ATRIP: variants seen among roughly 807,000 people sequenced by gnomAD.
The protein encoded by ATRIP is ATR-interacting protein.
In ATRIP, 44 loss-of-function variants were observed where a neutral mutation model predicts 78.1. The observed-to-expected ratio is 0.56, with a 90% CI of 0.44 to 0.72. ATRIP has a LOEUF of 0.72. Among genes scored for constraint, ATRIP ranks in the 30% least tolerant of loss-of-function variants. The pLI is 0.00. For missense variants in ATRIP, 927 were observed against 980.2 expected (o/e 0.95, Z 0.72); for synonymous variants, 388 against 408.9 (o/e 0.95, Z 0.62).
At chr3:48,463,667 A>G (rs2040180388) in intron 8 of ATRIP, 78 bp from the exon 9 acceptor site, 1 of 1,566,804 alleles carries the variant, frequency 6.4e-7, no homozygotes, top group African/African-American at 1.4e-5. Context: ...ATTTTCTGTT[A>G]CCTCTAGTGG....
intron 6 of ATRIP, 87 bp downstream of exon 6, chr3:48,459,541 C>T: frequency 7.3e-7 from 1 of 1,362,716 alleles, no homozygotes; most frequent in South Asian, 1.2e-5. Flanking sequence ...AGAACCGGTG[C>T]CCCGGGCAGT....
chr3:48,449,928 AC>A, intron 1 of ATRIP, 108 bp from the exon 2 acceptor site: 1 of 1,203,888 alleles, frequency 8.3e-7, no homozygotes, highest in Non-Finnish European at 1.2e-6. Context: ...ACAGAGCAAG[AC>A]CCTATCTCAA....
chr3:48,451,944 A>G, intron 3 of ATRIP, 45 bp downstream of exon 3: 1 of 1,543,010 alleles, frequency 6.5e-7, no homozygotes, highest in Non-Finnish European at 8.8e-7. Context: ...CTGCCCACTG[A>G]GTTCCTTTGA....
At chr3:48,465,115 C>T (rs776848808) in intron 12 of ATRIP, 32 bp downstream of exon 12, 11 of 1,584,492 alleles carry the variant, frequency 6.9e-6, no homozygotes, top group South Asian at 5.7e-5. Context: ...CTGCCCAGCC[C>T]CCATGGCTTC....
At chr3:48,464,196 C>T in intron 10 of ATRIP, 64 bp downstream of exon 10, 1 of 1,371,046 alleles carries the variant, frequency 7.3e-7, no homozygotes, top group Non-Finnish European at 1.0e-6. Flanking sequence ...AACAGAATCT[C>T]CTTTCTTTCC....
intron 1 of ATRIP, among the ~76,000 whole-genome samples, chr3:48,449,725 A>G (rs1425342154): frequency 6.6e-6 from 1 of 150,636 alleles, no homozygotes; most frequent in Non-Finnish European, 1.5e-5. Flanking sequence ...CAGGAAATCA[A>G]GACCAGCCTG....
intron 5 of ATRIP, 24 bp from the exon 6 acceptor site, chr3:48,459,335 G>T (rs752567987): frequency 2.5e-6 from 4 of 1,599,768 alleles, no homozygotes; most frequent in South Asian, 2.2e-5. Flanking sequence ...CTCAAGTTTT[G>T]ATTTACATTT....
intron 6 of ATRIP, 134 bp from the exon 7 acceptor site, chr3:48,459,653 A>G: frequency 7.8e-7 from 1 of 1,276,296 alleles, no homozygotes; most frequent in South Asian, 1.4e-5. Flanking sequence ...TTCCGCACCC[A>G]CAGGCATCTT....
chr3:48,466,332 G>T lies in ATRIP; in HGVS notation c.*778G>T, dbSNP rs1288524920. On this transcript the variant is annotated 3_prime_UTR_variant, in exon 13 of 13. Transcript: ENST00000320211. ...ACGGTGAGTGTGGCCCCCACAATGG[G>T]ATGGCGCAGGGCAGGAGGGCCATGG... The T allele has an allele frequency of 1.1e-5, 10 of 941,616 alleles. No homozygotes were observed. The Admixed American group carries it at 1.8e-4, about 17-fold the overall frequency. The allele number at this position is 941,616 out of a possible 1,614,324, so 58.3% of individuals were successfully genotyped here.
intron 12 of ATRIP, 43 bp from the exon 13 acceptor site, chr3:48,465,444 G>T (rs1196126589): frequency 6.3e-7 from 1 of 1,585,798 alleles, no homozygotes; most frequent in Middle Eastern, 1.9e-4. Flanking sequence ...CTAGGCCCTG[G>T]CACCTTTGGG....
chr3:48,461,119 G>A (rs1181967525), intron 8 of ATRIP, among the ~76,000 whole-genome samples: 1 of 152,212 alleles, frequency 6.6e-6, no homozygotes, highest in Non-Finnish European at 1.5e-5. Context: ...CTGAGATGTG[G>A]GTAAGGTGAA....
In ATRIP at chr3:48,463,890, G is replaced by C; in HGVS notation, c.1882+9G>C. On this transcript the variant is annotated intron_variant, in intron 9 of 12. Transcript: ENST00000320211. ...GCTCTGTTCCCACTCAGGTAAAGCAGGGTGGGGCGGGCGTCTAGACTGCTC... is the reference window on the plus strand; with the variant it reads ...GCTCTGTTCCCACTCAGGTAAAGCACGGTGGGGCGGGCGTCTAGACTGCTC... 6.2e-7 allele frequency: 1 copy of C among 1,614,088 alleles called. No homozygotes were observed. The highest frequency in any genetic ancestry group is 8.5e-7 in the Non-Finnish European group (1 of 1,180,018).
Position 48,464,888 on chromosome 3 carries a change from G to C in ATRIP, c.2113G>C (p.Gly705Arg). Residue 705 changes from glycine to arginine, a missense_variant, in exon 12 of 13, where the codon GGG (glycine) becomes CGG (arginine). By Grantham distance (125) the Gly-to-Arg change is moderately radical (BLOSUM62 -2). Transcript: ENST00000320211. Reference sequence around the variant, plus strand: ...ACAGTGGCTGACAGTGCGGAGGGCAGGGGGACCCCCAAGGACCGACCAGCA... The same window carrying C: ...ACAGTGGCTGACAGTGCGGAGGGCACGGGGACCCCCAAGGACCGACCAGCA... The part of the protein sequence containing the change: ...HRQWLTVRRA[G>R]GPPRTDQQRR... 1.9e-6 allele frequency: 3 copies of C among 1,613,952 alleles called. No homozygotes were observed. Among genetic ancestry groups the C allele is most frequent in the Non-Finnish European group, 2.5e-6 (3 of 1,179,928 alleles).
chr3:48,455,926 A>G (rs1402910167), intron 4 of ATRIP, among the ~76,000 whole-genome samples: 1 of 151,854 alleles, frequency 6.6e-6, no homozygotes, highest in Non-Finnish European at 1.5e-5. Flanking sequence ...TTCAAGACCA[A>G]CCTGGCCAAC....
chr3:48,467,482 T>A lies in ATRIP; in HGVS notation c.*1928T>A. The stretch of plus-strand genomic sequence containing the variant: ...AGGGGTACCAAGGATCTTCCTCCAG[T>A]GAAGGACCCTGGAGCCCTATCCAGG... On this transcript the variant is annotated 3_prime_UTR_variant, in exon 13 of 13. Coordinates refer to ENST00000320211, the MANE Select transcript of ATRIP (RefSeq NM_130384.3). 6.2e-7 allele frequency: 1 copy of A among 1,614,000 alleles called. No homozygotes were observed.
chr3:48,451,965 C>G (rs2039848135), intron 3 of ATRIP, 66 bp downstream of exon 3: 1 of 1,450,740 alleles, frequency 6.9e-7, no homozygotes, highest in South Asian at 1.4e-5. Flanking sequence ...CCAGGGTTGC[C>G]TGTAAATCTT....
intron 1 of ATRIP, 140 bp downstream of exon 1, chr3:48,447,232 C>T: frequency 7.9e-7 from 1 of 1,266,598 alleles, no homozygotes; most frequent in Non-Finnish European, 9.9e-7. Flanking sequence ...ATTTAAGCAG[C>T]GGTTGTCTTC....
In ATRIP at chr3:48,464,968, G is replaced by A. The variant is rs776211053; in HGVS notation, c.2193G>A (p.Ser731=). Residue 731 remains serine, a synonymous_variant, in exon 12 of 13, where the codon TCG becomes TCA. Coordinates refer to ENST00000320211, the MANE Select transcript of ATRIP (RefSeq NM_130384.3). ...RDTVLLLHGL[S]QKDKLFMMHC... is the part of the protein sequence containing the mutation. The stretch of plus-strand genomic sequence containing the variant: ...CGGTGCTGCTGCTGCACGGCCTATC[G>A]CAGAAGGACAAGCTCTTCATGATGC... 35 of 1,614,052 alleles carry A rather than the reference G, an allele frequency of 2.2e-5. No individual in the cohort carries two copies. Among genetic ancestry groups the A allele is most frequent in the South Asian group, 1.4e-4 (13 of 91,088 alleles).
At chr3:48,459,209 G>C in intron 5 of ATRIP, 150 bp from the exon 6 acceptor site, 1 of 603,160 alleles carries the variant, frequency 1.7e-6, no homozygotes, top group Non-Finnish European at 2.9e-6. Context: ...GAAGGTAAAA[G>C]ATGCAGGGCT....
Sources: gnomAD v4.1 joint callset for allele counts (sites outside exome capture counted in the v4.1 genomes callset) on GRCh38, gnomAD v4.1.1 for gene constraint, MANE v1.5 for transcripts, NCBI Gene and HGNC (gene_info 2026-07-23, HGNC 2026-07-21) for gene names.